C1QTNF7: variants seen among roughly 807,000 people sequenced by gnomAD.
C1QTNF7 encodes C1q and TNF related 7.
C1QTNF7 carries 15 observed loss-of-function variants against 19.6 expected under a neutral mutation model. That is an observed-to-expected ratio of 0.76 (90% CI 0.51 to 1.18). The LOEUF is 1.18. Ranked by LOEUF, C1QTNF7 falls within the 50% of genes most tolerant of loss-of-function variation. C1QTNF7 has a pLI of 0.00. For synonymous variants in C1QTNF7, 142 were observed against 137.5 expected (o/e 1.03, Z -0.23); for missense variants, 324 against 359.7 (o/e 0.90, Z 0.80).
intron 1 of C1QTNF7, among the ~76,000 whole-genome samples, chr4:15,367,200 G>A (rs528696609): frequency 5.9e-5 from 9 of 152,236 alleles, no homozygotes; most frequent in East Asian, 3.9e-4. Flanking sequence ...ATTTCCAGTC[G>A]TCTTCAAAGG....
intron 1 of C1QTNF7, among the ~76,000 whole-genome samples, chr4:15,383,669 T>C (rs1052142727): frequency 6.6e-6 from 1 of 152,198 alleles, no homozygotes; most frequent in African/African-American, 2.4e-5. Context: ...TCAGAAATAG[T>C]CATTCCCACC....
chr4:15,375,507 T>C (rs1329444885), intron 1 of C1QTNF7, among the ~76,000 whole-genome samples: 2 of 152,230 alleles, frequency 1.3e-5, no homozygotes, highest in Non-Finnish European at 2.9e-5. Context: ...CTGGGGTACA[T>C]TTCTTTTATA....
intron 1 of C1QTNF7, among the ~76,000 whole-genome samples, chr4:15,429,218 T>G (rs879330181): frequency 6.6e-6 from 1 of 152,220 alleles, no homozygotes; most frequent in Admixed American, 6.5e-5. Flanking sequence ...GTTTTTTTAA[T>G]TATGGTAAAA....
At chr4:15,361,133 G>A (rs1271106916) in intron 1 of C1QTNF7, 1 of 152,104 alleles carries the variant, frequency 6.6e-6, no homozygotes, top group African/African-American at 2.4e-5. Flanking sequence ...CCACACCCCT[G>A]CTTGGGACAC....
At chr4:15,426,636 C>G (rs994808020), upstream of C1QTNF7, among the ~76,000 whole-genome samples, 6 of 152,100 alleles carry the variant, frequency 3.9e-5, no homozygotes, top group Admixed American at 1.3e-4. Context: ...CAAATTGTAT[C>G]AACACTTTAA....
At chr4:15,438,405 T>C (rs1311407193) in intron 2 of C1QTNF7, among the ~76,000 whole-genome samples, 1 of 152,162 alleles carries the variant, frequency 6.6e-6, no homozygotes, top group Non-Finnish European at 1.5e-5. Context: ...GAGTGCCTGC[T>C]CCCTGTTTCC....
At chr4:15,392,757 CAAT>C (rs1453974999) in intron 1 of C1QTNF7, among the ~76,000 whole-genome samples, 1 of 152,090 alleles carries the variant, frequency 6.6e-6, no homozygotes, top group Non-Finnish European at 1.5e-5. Context: ...CAAAAAACAC[CAAT>C]AATTATGATA....
Position 15,443,484 on chromosome 4 carries a change from G to C in C1QTNF7, c.*685G>C, listed in dbSNP as rs1403132080. 6.6e-6 allele frequency: 1 copy of C among 152,222 alleles called. No individual in the cohort carries two copies. Among genetic ancestry groups the C allele is most frequent in the Non-Finnish European group, 1.5e-5 (1 of 68,054 alleles). 9.4% of individuals were successfully genotyped at this position (152,222 alleles called of 1,614,324 possible). On this transcript the variant is annotated 3_prime_UTR_variant, in exon 3 of 3. Transcript: ENST00000444304. ...CAAACAGATGGATTTGAAGCTAAAA[G>C]CACACAGGGTCTGCTATTCCTGAGG...
At chr4:15,342,115 A>G (rs1406167104) in intron 1 of C1QTNF7, among the ~76,000 whole-genome samples, 1 of 152,230 alleles carries the variant, frequency 6.6e-6, no homozygotes, top group East Asian at 1.9e-4. Context: ...AGAGCCCTGG[A>G]AAGGACAGGT....
At chr4:15,394,848 G>A (rs933692271) in intron 1 of C1QTNF7, among the ~76,000 whole-genome samples, 3 of 152,094 alleles carry the variant, frequency 2.0e-5, no homozygotes, top group Non-Finnish European at 4.4e-5. Flanking sequence ...CCTTAGGATA[G>A]ATATCGGCAC....
Position 15,341,616 on chromosome 4 carries a change from C to T in C1QTNF7, c.13+1409C>T, listed in dbSNP as rs142337927. Among the ~76,000 whole-genome samples, 258 of 152,292 alleles carry T rather than the reference C, an allele frequency of 1.7e-3. 1 individual carries two copies. Among genetic ancestry groups the T allele is most frequent in the African/African-American group, 5.8e-3 (242 of 41,560 alleles). ...TCTTTCCCAAATCTTCTTCTATTCT[C>T]CCTTTCCCCTCCACTTCTGTCTACA... On this transcript the variant is annotated intron_variant, in intron 1 of 2. Coordinates refer to the C1QTNF7 transcript ENST00000295297.
chr4:15,341,609 C>A (rs1716540169), intron 1 of C1QTNF7, among the ~76,000 whole-genome samples: 1 of 152,156 alleles, frequency 6.6e-6, no homozygotes, highest in Admixed American at 6.5e-5. Flanking sequence ...AAATCTTCTT[C>A]TATTCTCCCT....
intron 1 of C1QTNF7, among the ~76,000 whole-genome samples, chr4:15,429,445 T>A (rs1712208936): frequency 1.3e-5 from 2 of 152,326 alleles, no homozygotes; most frequent in South Asian, 4.1e-4. Flanking sequence ...TCTTGATGAA[T>A]GTGACTACTC....
chr4:15,404,097 G>A (rs1719103737), intron 1 of C1QTNF7, among the ~76,000 whole-genome samples: 1 of 149,346 alleles, frequency 6.7e-6, no homozygotes, highest in South Asian at 2.1e-4. Context: ...GTTTATTTAA[G>A]TAGTTTCTTT....
At chr4:15,425,159 A>C (rs1322119076), upstream of C1QTNF7, among the ~76,000 whole-genome samples, 1 of 152,100 alleles carries the variant, frequency 6.6e-6, no homozygotes. Context: ...TTTGAGCAAG[A>C]GTAGATAAGG....
At chr4:15,356,982 A>G (rs1277413841) in intron 1 of C1QTNF7, among the ~76,000 whole-genome samples, 1 of 115,050 alleles carries the variant, frequency 8.7e-6, no homozygotes, top group Non-Finnish European at 1.8e-5. Flanking sequence ...AATTCCTTGT[A>G]TATTCTGGAT....
chr4:15,385,595 CT>C (rs1718303112), intron 1 of C1QTNF7, among the ~76,000 whole-genome samples: 2 of 152,154 alleles, frequency 1.3e-5, no homozygotes. Context: ...CTTGAAAACA[CT>C]TTGAGATCTA....
chr4:15,397,547 C>T (rs1484685774), intron 1 of C1QTNF7, among the ~76,000 whole-genome samples: 1 of 152,110 alleles, frequency 6.6e-6, no homozygotes, highest in Non-Finnish European at 1.5e-5. Context: ...TCTAGAGGCA[C>T]CTGGATAGTG....
At chr4:15,420,826 CTTTTTTTTTTTT>C (rs61609914) in intron 1 of C1QTNF7, among the ~76,000 whole-genome samples, 23 of 66,242 alleles carry the variant, frequency 3.5e-4, no homozygotes, top group African/African-American at 1.0e-3. Context: ...ACTGCTTTGT[CTTTTTTTTTTTT>C]TTTTTTTTTT....
Sources: allele counts gnomAD v4.1 joint callset (sites outside exome capture counted in the v4.1 genomes callset), GRCh38; gene constraint gnomAD v4.1.1; transcripts MANE v1.5; gene names NCBI Gene and HGNC (gene_info 2026-07-23, HGNC 2026-07-21).